TBCD: variants seen among roughly 807,000 people sequenced by gnomAD.
TBCD encodes tubulin folding cofactor D.
Under a neutral mutation model 169.3 loss-of-function variants are expected in TBCD, and 105 were observed. The observed-to-expected ratio is 0.62, with a 90% CI of 0.53 to 0.73. The LOEUF (loss-of-function observed/expected upper bound fraction) is 0.73, where lower values mean the gene tolerates loss of function less well. Among genes scored for constraint, TBCD ranks in the 30% least tolerant of loss-of-function variants. TBCD has a pLI of 0.00. For missense variants in TBCD, 1,444 were observed against 1,600.1 expected (o/e 0.90, Z 1.66); for synonymous variants, 700 against 643.9 (o/e 1.09, Z -1.32).
At chr17:82,852,786 T>C (rs9897951) in intron 13 of TBCD, among the ~76,000 whole-genome samples, 36,431 of 152,160 alleles carry the variant, frequency 0.24, 4,624 homozygotes, top group East Asian at 0.46. Context: ...GGTAGACGTT[T>C]GGGTTGTTTC....
In TBCD at chr17:82,853,218, C is replaced by G. The variant is rs770488977; in HGVS notation, c.1319-17006C>G. 4.5e-4 allele frequency among the ~76,000 whole-genome samples: 68 copies of G among 150,948 alleles called. 1 individual carries two copies. The highest frequency in any genetic ancestry group is 1.8e-4 in the Non-Finnish European group (12 of 67,740). ...CCTCAGCCTCCTGAGTAGCTGGAAC[C>G]ACAGGCATGTGCCACCACGCCCAGC... On this transcript the variant is annotated intron_variant, in intron 13 of 38. Transcript: ENST00000355528.
rs1394441999 is a variant in TBCD at position 82,874,761 on chromosome 17, G to A, written c.1475+4381G>A. ...GAGCCTCCCTGCCCAGGAGCCCTGCGCACCCGGGTATCGGTTGGGGTGTGC... is the reference window on the plus strand; with the variant it reads ...GAGCCTCCCTGCCCAGGAGCCCTGCACACCCGGGTATCGGTTGGGGTGTGC... On this transcript the variant is annotated intron_variant, in intron 14 of 38. Coordinates refer to ENST00000355528, the MANE Select transcript of TBCD (RefSeq NM_005993.5). The surrounding 1 kb of genome is among the most constrained non-coding windows in gnomAD (Gnocchi z 5.0). Among the ~76,000 whole-genome samples, 3 of 152,226 alleles carry A rather than the reference G, an allele frequency of 2.0e-5. No individual in the cohort carries two copies. Among genetic ancestry groups the A allele is most frequent in the African/African-American group, 4.8e-5 (2 of 41,464 alleles).
Position 82,784,806 on chromosome 17 carries a change from G to A in TBCD, c.771+3085G>A, listed in dbSNP as rs1027453112. 7.2e-5 allele frequency among the ~76,000 whole-genome samples: 11 copies of A among 152,316 alleles called. No homozygotes were observed. In the East Asian group the frequency reaches 1.7e-3, roughly 24 times the overall value. Reference sequence around the variant, plus strand: ...GCTACTGCCAAGAAGTATGACATGCGTGTGGAAGACCATGAGCCTTACCCG... The same window carrying A: ...GCTACTGCCAAGAAGTATGACATGCATGTGGAAGACCATGAGCCTTACCCG... On this transcript the variant is annotated intron_variant, in intron 7 of 38. Transcript: ENST00000355528.
rs377098452 is a variant in TBCD, at chr17:82,809,759, C to T, written c.1200C>T (p.Val400=). 26 of 1,613,304 alleles carry T rather than the reference C, an allele frequency of 1.6e-5. No homozygotes were observed. Among genetic ancestry groups the T allele is most frequent in the East Asian group, 8.9e-5 (4 of 44,868 alleles). The change falls in exon 12 of 39, where the codon GTC becomes GTT. Residue 400 remains valine (V), a synonymous_variant. Coordinates refer to ENST00000355528, the MANE Select transcript of TBCD (RefSeq NM_005993.5). ...RLPRALADDV[V]GSVLDCFSFQ... ...CCAGAGCCCTGGCGGATGATGTGGT[C>T]GGGTCTGTGCTGGACTGCTTCAGGT...
chr17:82,928,009 C>T (rs761315344), intron 30 of TBCD, 21 bp downstream of exon 30: 1 of 1,603,752 alleles, frequency 6.2e-7, no homozygotes, highest in South Asian at 1.1e-5. Flanking sequence ...CGTCGCAGCT[C>T]TTCTGCATCC....
At chr17:82,887,855 A>G (rs1055337145) in intron 15 of TBCD, among the ~76,000 whole-genome samples, 1 of 152,130 alleles carries the variant, frequency 6.6e-6, no homozygotes, top group African/African-American at 2.4e-5. Context: ...GGTGTGGAGC[A>G]TCTTTCACGG....
At chr17:82,792,614 G>A (rs915891951) in intron 7 of TBCD, among the ~76,000 whole-genome samples, 1 of 152,212 alleles carries the variant, frequency 6.6e-6, no homozygotes, top group African/African-American at 2.4e-5. Context: ...ATGAGGACAT[G>A]GACCCAGGTC....
chr17:82,837,540 G>GCTGT (rs962318310), intron 13 of TBCD, among the ~76,000 whole-genome samples: 1 of 152,198 alleles, frequency 6.6e-6, no homozygotes, highest in Non-Finnish European at 1.5e-5. Context: ...TGCCCGGAGA[G>GCTGT]CTGTCTGTCT....
intron 14 of TBCD, among the ~76,000 whole-genome samples, chr17:82,879,320 G>GC (rs1042397675): frequency 2.0e-5 from 3 of 151,948 alleles, no homozygotes; most frequent in Admixed American, 2.0e-4. Flanking sequence ...ACCAGCTCTA[G>GC]CCCAGCTTCC....
At position 82,832,564 on chromosome 17, in the gene TBCD, G is replaced by A. The variant is rs944780548; in HGVS notation, c.1318+17630G>A. The A allele has an allele frequency of 6.1e-6, 6 of 983,034 alleles. No individual in the cohort carries two copies. The highest frequency in any genetic ancestry group is 4.8e-5 in the African/African-American group (3 of 62,798). 60.9% of individuals were successfully genotyped at this position (983,034 alleles called of 1,614,324 possible). On this transcript the variant is annotated intron_variant, in intron 13 of 38. Coordinates refer to ENST00000355528, the MANE Select transcript of TBCD (RefSeq NM_005993.5). This position sits in a 1 kb window ranked among gnomAD's most constrained non-coding sequence, Gnocchi z 4.9. The stretch of plus-strand genomic sequence containing the variant: ...CACCTCCCGCTTTGCTTTCTTTCCC[G>A]ATCACTTCTATCAGAAGCCAGCTCT...
chr17:82,924,765 C>G (rs2061617792), intron 26 of TBCD, among the ~76,000 whole-genome samples, 174 bp from the exon 27 acceptor site: 1 of 151,918 alleles, frequency 6.6e-6, no homozygotes, highest in Admixed American at 6.5e-5. Context: ...AAAAAATTCT[C>G]TTTCTGATTC....
At chr17:82,820,198 G>A (rs1225574255) in intron 13 of TBCD, among the ~76,000 whole-genome samples, 9 of 152,066 alleles carry the variant, frequency 5.9e-5, no homozygotes, top group Admixed American at 4.6e-4. Context: ...GGCTGGTCTC[G>A]AACTCCTGAC....
chr17:82,829,827 T>C, intron 13 of TBCD: 1 of 356,576 alleles, frequency 2.8e-6, no homozygotes. Flanking sequence ...CAATTTGTTG[T>C]AATGGTGAGA....
At chr17:82,941,535 G>C in intron 38 of TBCD, 52 bp downstream of exon 38, 2 of 1,491,514 alleles carry the variant, frequency 1.3e-6, no homozygotes, top group Non-Finnish European at 1.8e-6. Flanking sequence ...CTGAGCTCTG[G>C]AATGTTCTGG....
intron 13 of TBCD, among the ~76,000 whole-genome samples, chr17:82,852,594 A>G (rs75615826): frequency 0.01 from 1,545 of 152,254 alleles, 33 homozygotes; most frequent in African/African-American, 0.034. Flanking sequence ...GACACTGGTC[A>G]TAGCAGATCC....
intron 17 of TBCD, chr17:82,895,724 CAGTGTCGTTG>C (rs2059427256): frequency 6.6e-6 from 1 of 152,200 alleles, no homozygotes. Context: ...CTGAGGGCGA[CAGTGTCGTTG>C]AGTGCGAGGA....
At chr17:82,929,658 C>T (rs1452123399) in intron 32 of TBCD, 158 bp downstream of exon 32, 2 of 1,032,956 alleles carry the variant, frequency 1.9e-6, no homozygotes, top group East Asian at 2.6e-5. Flanking sequence ...CCAGTGTCTT[C>T]CTCATGACCC....
rs148582148 is a variant in TBCD at position 82,857,303 on chromosome 17, G to A, written c.1319-12921G>A. On this transcript the variant is annotated intron_variant, in intron 13 of 38. Transcript: ENST00000355528. Reference sequence around the variant, plus strand: ...AAGTCCTTTGACCATTTTTAAATTGGATTGTTTGTCCTTTTGTTGTTGAGT... The same window carrying A: ...AAGTCCTTTGACCATTTTTAAATTGAATTGTTTGTCCTTTTGTTGTTGAGT... 7.2e-5 allele frequency among the ~76,000 whole-genome samples: 11 copies of A among 152,228 alleles called. No individual in the cohort carries two copies. The East Asian group carries it at 1.9e-3, about 27-fold the overall frequency.
At position 82,870,231 on chromosome 17, in the gene TBCD, C is replaced by T. The variant is rs1475062816; in HGVS notation, c.1326C>T (p.Ala442=). ...TCTCTTGTCCTTGCCCAGTTGTCGC[C>T]GTGATCCTGAAGGCGCTGACCTACG... is the stretch of plus-strand genomic sequence containing the variant. The part of the protein sequence containing the change: ...LLPSRLVDVV[A]VILKALTYDE... Residue 442 remains alanine, a synonymous_variant, in exon 14 of 39, where the codon GCC becomes GCT. Coordinates refer to ENST00000355528, the MANE Select transcript of TBCD (RefSeq NM_005993.5). 5.6e-6 allele frequency: 9 copies of T among 1,612,906 alleles called. No homozygotes were observed. The highest frequency in any genetic ancestry group is 4.5e-5 in the East Asian group (2 of 44,888).
Sources: gnomAD v4.1 joint callset for allele counts (sites outside exome capture counted in the v4.1 genomes callset) on GRCh38, gnomAD v4.1.1 for gene constraint, Gnocchi (gnomAD v3.1) non-coding constraint, MANE v1.5 for transcripts, NCBI Gene and HGNC (gene_info 2026-07-23, HGNC 2026-07-21) for gene names.